PTP4A1: variants seen among roughly 807,000 people sequenced by gnomAD.
The protein encoded by PTP4A1 is protein tyrosine phosphatase type IVA 1.
In PTP4A1, 9 loss-of-function variants were observed where a neutral mutation model predicts 20.5. That is an observed-to-expected ratio of 0.44 (90% CI 0.26 to 0.77). PTP4A1 has a LOEUF of 0.77. Ranked by LOEUF, PTP4A1 falls within the 30% of genes least tolerant of loss-of-function variation. The pLI is 0.19. For synonymous variants in PTP4A1, 78 were observed against 67.4 expected, an observed-to-expected ratio of 1.16 and a Z score of -0.77; for missense variants, 137 against 218.8, an observed-to-expected ratio of 0.63 and a Z score of 2.36.
intron 1 of PTP4A1, among the ~76,000 whole-genome samples, chr6:63,525,098 A>G (rs376796633): frequency 2.6e-5 from 4 of 152,232 alleles, no homozygotes; most frequent in East Asian, 3.8e-4. Context: ...TCCTGCATCA[A>G]ATTATTCAAG....
At chr6:63,556,776 C>T (rs1053531110) in intron 3 of PTP4A1, among the ~76,000 whole-genome samples, 17 of 152,228 alleles carry the variant, frequency 1.1e-4, no homozygotes, top group Admixed American at 3.9e-4. Flanking sequence ...TAAACAGTAA[C>T]GTAAAAGTGA....
intron 5 of PTP4A1, among the ~76,000 whole-genome samples, chr6:63,579,558 C>T (rs1331764405): frequency 6.6e-6 from 1 of 152,158 alleles, no homozygotes; most frequent in Admixed American, 6.5e-5. Context: ...GCTTTAAATA[C>T]TTGATTGAAT....
intron 2 of PTP4A1, among the ~76,000 whole-genome samples, chr6:63,534,408 G>A (rs929125446): frequency 3.3e-5 from 5 of 151,590 alleles, no homozygotes; most frequent in Non-Finnish European, 5.9e-5. Flanking sequence ...TTTCTCCACT[G>A]AGTGAAGGTA....
chr6:63,522,387 C>T (rs921946795), intron 1 of PTP4A1, among the ~76,000 whole-genome samples: 1 of 152,134 alleles, frequency 6.6e-6, no homozygotes, highest in African/African-American at 2.4e-5. Context: ...AGAAGATAAA[C>T]AATAAATAAG....
At chr6:63,553,086 G>A (rs1167062820) in intron 3 of PTP4A1, among the ~76,000 whole-genome samples, 1 of 152,176 alleles carries the variant, frequency 6.6e-6, no homozygotes, top group Non-Finnish European at 1.5e-5. Flanking sequence ...TTGCAAAGTA[G>A]TAGAGAGAAT....
intron 3 of PTP4A1, among the ~76,000 whole-genome samples, chr6:63,555,262 C>A (rs1351960381): frequency 1.1e-4 from 16 of 152,132 alleles, no homozygotes; most frequent in African/African-American, 1.2e-4. Flanking sequence ...GCAAACATTT[C>A]CAACATTAGA....
intron 2 of PTP4A1, among the ~76,000 whole-genome samples, chr6:63,544,717 T>A (rs544642974): frequency 7.9e-5 from 12 of 152,186 alleles, no homozygotes; most frequent in Admixed American, 1.3e-4. Flanking sequence ...TTTTCTGATG[T>A]TTCCTCATGA....
At chr6:63,547,763 G>A (rs1481101725) in intron 2 of PTP4A1, among the ~76,000 whole-genome samples, 3 of 150,956 alleles carry the variant, frequency 2.0e-5, no homozygotes, top group African/African-American at 7.3e-5. Flanking sequence ...CACCCCCCTC[G>A]GCCTCCCAAA....
intron 3 of PTP4A1, among the ~76,000 whole-genome samples, chr6:63,560,157 GGGAAACCCC>G (rs746333169): frequency 5.9e-5 from 9 of 151,788 alleles, no homozygotes; most frequent in Non-Finnish European, 8.8e-5. Context: ...GGCAAACATG[GGGAAACCCC>G]GTCTCTACTA....
upstream of PTP4A1, among the ~76,000 whole-genome samples, chr6:63,517,589 T>C (rs952825813): frequency 6.6e-6 from 1 of 152,092 alleles, no homozygotes; most frequent in African/African-American, 2.4e-5. Context: ...AAATACACTC[T>C]AAAAACTCAA....
chr6:63,536,003 C>T (rs991636619), intron 2 of PTP4A1, among the ~76,000 whole-genome samples: 1 of 151,246 alleles, frequency 6.6e-6, no homozygotes, highest in African/African-American at 2.4e-5. Flanking sequence ...GAACTCGTGA[C>T]ATCAGGTGAT....
intron 3 of PTP4A1, among the ~76,000 whole-genome samples, chr6:63,564,929 T>C (rs1273848796): frequency 1.3e-5 from 2 of 152,242 alleles, no homozygotes; most frequent in Non-Finnish European, 2.9e-5. Flanking sequence ...ATAAGTCCTT[T>C]ATTCAGTGCC....
intron 4 of PTP4A1, 112 bp from the exon 5 acceptor site, chr6:63,579,145 T>TTAA (rs1297956211): frequency 7.3e-7 from 1 of 1,378,758 alleles, no homozygotes; most frequent in African/African-American, 1.5e-5. Context: ...TAGGTATTAC[T>TTAA]TAAATAGGAA....
Position 63,572,602 on chromosome 6 carries a change from G to T in PTP4A1, c.-563G>T. The T allele has an allele frequency of 2.4e-6, 1 of 418,216 alleles. No individual in the cohort carries two copies. The highest frequency in any genetic ancestry group is 4.1e-6 in the Non-Finnish European group (1 of 242,346). The allele number at this position is 418,216 out of a possible 1,614,324, so 25.9% of individuals were successfully genotyped here. On this transcript the variant is annotated 5_prime_UTR_variant, in exon 1 of 6. Transcript: ENST00000626021. ...CGCCGCCTGCATCGCCGCCACCGCC[G>T]CTCCGCCACGACCACCGCCGCCTCC... is the stretch of plus-strand genomic sequence containing the variant.
chr6:63,558,829 G>GC (rs1428682171), intron 3 of PTP4A1, among the ~76,000 whole-genome samples: 1 of 152,138 alleles, frequency 6.6e-6, no homozygotes, highest in African/African-American at 2.4e-5. Context: ...CATCCCAGGG[G>GC]CCCCCATAAG....
chr6:63,579,014 T>A lies in PTP4A1; in HGVS notation c.315T>A (p.Val105=). Reference sequence around the variant, plus strand: ...GTTGTTGTATTGCTGTTCATTGCGTTGCAGGCCTTGGGAGGTAAATGAATT... The same window carrying A: ...GTTGTTGTATTGCTGTTCATTGCGTAGCAGGCCTTGGGAGGTAAATGAATT... The part of the protein sequence containing the change: ...EPGCCIAVHC[V]AGLGRAPVLV... Residue 105 remains valine, a synonymous_variant, in exon 4 of 6, where the codon GTT becomes GTA. Transcript: ENST00000626021. 1 of 1,598,900 alleles carries A rather than the reference T, an allele frequency of 6.3e-7. No homozygotes were observed. Among genetic ancestry groups the A allele is most frequent in the East Asian group, 2.3e-5 (1 of 44,374 alleles).
chr6:63,564,078 C>A (rs1581939651), intron 3 of PTP4A1, among the ~76,000 whole-genome samples: 1 of 152,100 alleles, frequency 6.6e-6, no homozygotes, highest in African/African-American at 2.4e-5. Flanking sequence ...AGTTCGAGAC[C>A]AGCCTGGCCA....
intron 3 of PTP4A1, among the ~76,000 whole-genome samples, chr6:63,552,938 T>G (rs1310963263): frequency 6.6e-6 from 1 of 152,206 alleles, no homozygotes; most frequent in African/African-American, 2.4e-5. Flanking sequence ...GTAGTATAGT[T>G]TGAAGTCCGT....
At chr6:63,517,755 G>A (rs1774783608), upstream of PTP4A1, among the ~76,000 whole-genome samples, 1 of 152,036 alleles carries the variant, frequency 6.6e-6, no homozygotes, top group South Asian at 2.1e-4. Context: ...AAAAATTAAG[G>A]AGCAGCCTTC....
Sources: gnomAD v4.1 joint callset for allele counts (sites outside exome capture counted in the v4.1 genomes callset) on GRCh38, gnomAD v4.1.1 for gene constraint, MANE v1.5 for transcripts, NCBI Gene and HGNC (gene_info 2026-07-23, HGNC 2026-07-21) for gene names.